IDH1: variants seen among roughly 807,000 people sequenced by gnomAD.
IDH1 encodes the protein isocitrate dehydrogenase (NADP(+)) 1.
A neutral mutation model predicts 46.1 loss-of-function variants in IDH1; 33 were observed. The observed-to-expected ratio is 0.72, with a 90% confidence interval of 0.54 to 0.96. IDH1 has a LOEUF of 0.96. Ranked by LOEUF, IDH1 falls within the 40% of genes least tolerant of loss-of-function variation. IDH1 has a pLI of 0.00. For missense variants in IDH1, 421 were observed against 515.7 expected, an observed-to-expected ratio of 0.82 and a Z score of 1.78; for synonymous variants, 144 against 172.8, an observed-to-expected ratio of 0.83 and a Z score of 1.31.
At chr2:208,250,634 A>C (rs942270600) in intron 3 of IDH1, among the ~76,000 whole-genome samples, 2 of 152,216 alleles carry the variant, frequency 1.3e-5, no homozygotes, top group African/African-American at 4.8e-5. Flanking sequence ...AAAGGTACAA[A>C]GAACAGAAGC....
At position 208,245,486 on chromosome 2, in the gene IDH1, A is replaced by C. The variant is rs373514235; in HGVS notation, c.415-62T>G. 2.8e-4 allele frequency: 257 copies of C among 907,550 alleles called. 2 individuals are homozygous for C. The East Asian group carries it at 4.7e-3, about 17-fold the overall frequency. The allele number at this position is 907,550 out of a possible 1,614,324, so 56.2% of individuals were successfully genotyped here. A position where few individuals can be genotyped will look rare whatever the true frequency, so the allele number is the denominator to read the frequency against. On this transcript the variant is annotated intron_variant, in intron 4 of 9. Transcript: ENST00000345146. The stretch of plus-strand genomic sequence containing the variant: ...ATACCCTAGCAGGAATTGTAAGGAG[A>C]ATATTCATATAATATAGACCTAGAA...
intron 2 of IDH1, among the ~76,000 whole-genome samples, chr2:208,252,734 T>C (rs1688146852): frequency 6.6e-6 from 1 of 152,190 alleles, no homozygotes; most frequent in South Asian, 2.1e-4. Context: ...AAAAATGTAA[T>C]GATTAGTAGA....
Position 208,245,378 on chromosome 2 carries a change from A to C in IDH1, c.461T>G (p.Ile154Arg), listed in dbSNP as rs1324286770. The change falls in exon 5 of 10, where the codon ATA becomes AGA. Residue 154 changes from isoleucine to arginine, a missense_variant. Physicochemically the swap from Ile to Arg is moderately conservative, Grantham distance 97 (BLOSUM62 -3). Coordinates refer to ENST00000345146, the MANE Select transcript of IDH1 (RefSeq NM_005896.4). The part of the protein sequence containing the change: ...FVVPGPGKVE[I>R]TYTPSDGTQK... The stretch of plus-strand genomic sequence containing the variant: ...GGTTCCGTCACTTGGTGTGTAGGTT[A>C]TCTCTACTTTTCCAGGCCCAGGAAC... The C allele has an allele frequency of 1.2e-6, 2 of 1,612,804 alleles. No homozygotes were observed. The highest frequency in any genetic ancestry group is 2.2e-5 in the East Asian group (1 of 44,850).
chr2:208,251,275 G>A (rs1241247853), intron 3 of IDH1, 155 bp downstream of exon 3: 3 of 553,280 alleles, frequency 5.4e-6, no homozygotes, highest in African/African-American at 3.9e-5. Flanking sequence ...AAAGTGATGG[G>A]GTCTCACTCT....
chr2:208,245,289 A>G (rs756057424), intron 5 of IDH1, 30 bp downstream of exon 5: 2 of 1,101,450 alleles, frequency 1.8e-6, no homozygotes, highest in Admixed American at 3.7e-5. Context: ...GTTTAAAAAA[A>G]AAAGAAGCTT....
chr2:208,240,222 A>C (rs1310113740), intron 7 of IDH1: 1 of 583,526 alleles, frequency 1.7e-6, no homozygotes, highest in African/African-American at 1.9e-5. Context: ...CCCCTCACTT[A>C]TTTCAGGGAT....
At chr2:208,243,358 T>TA in intron 6 of IDH1, 69 bp downstream of exon 6, 2 of 1,160,546 alleles carry the variant, frequency 1.7e-6, no homozygotes, top group Non-Finnish European at 2.6e-6. Flanking sequence ...GATAGGGAGA[T>TA]ACATACTCTA....
chr2:208,238,478 A>G (rs1687859791), intron 9 of IDH1, among the ~76,000 whole-genome samples: 1 of 152,244 alleles, frequency 6.6e-6, no homozygotes, highest in African/African-American at 2.4e-5. Context: ...GATACTGGCT[A>G]CTATGTTCTC....
chr2:208,250,591 C>T (rs1055946917), intron 3 of IDH1, among the ~76,000 whole-genome samples: 4 of 152,150 alleles, frequency 2.6e-5, no homozygotes, highest in African/African-American at 9.7e-5. Flanking sequence ...AGTCTTCAGC[C>T]ACTTTACCCT....
At chr2:208,252,543 C>T (rs1257781493) in intron 2 of IDH1, among the ~76,000 whole-genome samples, 1 of 152,232 alleles carries the variant, frequency 6.6e-6, no homozygotes, top group Non-Finnish European at 1.5e-5. Context: ...TAAAAGTTAT[C>T]TATTCCTTCT....
chr2:208,238,015 T>C (rs148459874), intron 9 of IDH1, among the ~76,000 whole-genome samples: 1 of 151,692 alleles, frequency 6.6e-6, no homozygotes, highest in African/African-American at 2.4e-5. Context: ...ATTCCACTGA[T>C]AAGACCATTT....
At chr2:208,238,605 T>A (rs1364429959) in intron 9 of IDH1, among the ~76,000 whole-genome samples, 1 of 152,216 alleles carries the variant, frequency 6.6e-6, no homozygotes, top group African/African-American at 2.4e-5. Flanking sequence ...ACTTTTCTCA[T>A]CAGTAAGTTA....
intron 5 of IDH1, 36 bp downstream of exon 5, chr2:208,245,282 TA>T (rs144573553): frequency 5.1e-3 from 4,535 of 896,706 alleles, no homozygotes; most frequent in Non-Finnish European, 6.3e-3. Flanking sequence ...ATCATTTGTT[TA>T]AAAAAAAAAG....
intron 4 of IDH1, among the ~76,000 whole-genome samples, chr2:208,246,844 G>A (rs1473035177): frequency 6.6e-6 from 1 of 152,170 alleles, no homozygotes; most frequent in African/African-American, 2.4e-5. Context: ...TCAAGAGGCT[G>A]AGGCAGGAGA....
At chr2:208,251,631 A>ACT in intron 2 of IDH1, 64 bp from the exon 3 acceptor site, 9 of 1,367,912 alleles carry the variant, frequency 6.6e-6, no homozygotes, top group Non-Finnish European at 8.2e-6. Context: ...ATATATAAAC[A>ACT]ACGTAGTGTT....
At chr2:208,253,682 A>C (rs1380129428) in intron 2 of IDH1, among the ~76,000 whole-genome samples, 1 of 152,256 alleles carries the variant, frequency 6.6e-6, no homozygotes, top group East Asian at 1.9e-4. Context: ...GAGTTCATGA[A>C]CTACAATAAT....
intron 5 of IDH1, 46 bp from the exon 6 acceptor site, chr2:208,243,650 T>C (rs1490269399): frequency 1.3e-6 from 2 of 1,490,322 alleles, no homozygotes; most frequent in Non-Finnish European, 1.9e-6. Context: ...GAAGAATAAA[T>C]GTAATGTAGT....
At position 208,236,593 on chromosome 2, in the gene IDH1, C is replaced by T. The variant is rs918722617; in HGVS notation, c.*486G>A. 1.7e-5 allele frequency: 4 copies of T among 242,284 alleles called. No individual in the cohort carries two copies. The highest frequency in any genetic ancestry group is 1.5e-4 in the South Asian group (1 of 6,576). The allele number at this position is 242,284 out of a possible 1,614,324, so 15.0% of individuals were successfully genotyped here. ...ACACATTTGAGTTGCACTCCTACTT[C>T]GTTCCAGTCATGTGCAAGTTTAATG... On this transcript the variant is annotated 3_prime_UTR_variant, in exon 10 of 10. Coordinates refer to ENST00000345146, the MANE Select transcript of IDH1 (RefSeq NM_005896.4).
intron 3 of IDH1, chr2:208,251,172 A>T (rs1010754654): frequency 5.7e-6 from 2 of 352,040 alleles, no homozygotes; most frequent in South Asian, 8.7e-5. Flanking sequence ...AGCTATATCT[A>T]TATAAAAAAA....
Sources: gnomAD v4.1 joint callset for allele counts (sites outside exome capture counted in the v4.1 genomes callset) on GRCh38, gnomAD v4.1.1 for gene constraint, MANE v1.5 for transcripts, NCBI Gene and HGNC (gene_info 2026-07-23, HGNC 2026-07-21) for gene names.